Variants in MGAM observed in about 807,000 individuals in gnomAD.
The protein encoded by MGAM is alpha-1,4-glucosidase.
A neutral mutation model predicts 358.8 loss-of-function variants in MGAM; 253 were observed. The ratio of observed to expected loss-of-function variants is 0.71; its 90% confidence interval spans 0.64 to 0.78. The LOEUF (loss-of-function observed/expected upper bound fraction) is 0.78, where lower values mean the gene tolerates loss of function less well. Ranked by LOEUF, MGAM falls within the 30% of genes least tolerant of loss-of-function variation. The probability of loss-of-function intolerance (pLI) is 0.00; values close to 1 mark genes in which losing one functional copy is unlikely to be tolerated. For synonymous variants in MGAM, 1,105 were observed against 1,227.1 expected, an observed-to-expected ratio of 0.90 and a Z score of 2.08; for missense variants, 3,080 against 3,432.6, an observed-to-expected ratio of 0.90 and a Z score of 2.57.
In MGAM at chr7:142,044,378, A is replaced by G. The variant is rs1415130941; in HGVS notation, c.2499-3407A>G. ...ACATACGATATATGATATATAATGA[A>G]TATTATATACACATACGATATATGA... On this transcript the variant is annotated intron_variant, in intron 21 of 70. Coordinates refer to ENST00000475668, the MANE Select transcript of MGAM (RefSeq NM_001365693.1). Among the ~76,000 whole-genome samples the G allele has an allele frequency of 7.0e-4, 87 of 124,036 alleles. 1 individual carries two copies. Among genetic ancestry groups the G allele is most frequent in the African/African-American group, 2.2e-3 (84 of 37,710 alleles). 81.4% of individuals were successfully genotyped at this position (124,036 alleles called of 152,430 possible).
chr7:142,034,401 CCTG>C, intron 15 of MGAM, 22 bp downstream of exon 15: 1 of 1,403,422 alleles, frequency 7.1e-7, no homozygotes, highest in African/African-American at 1.4e-5. Context: ...ATGGCTATGA[CCTG>C]CTAATTATTG....
At chr7:142,032,229 C>T (rs914109050) in intron 13 of MGAM, among the ~76,000 whole-genome samples, 1 of 151,962 alleles carries the variant, frequency 6.6e-6, no homozygotes, top group Non-Finnish European at 1.5e-5. Context: ...AGAAAAATGT[C>T]TCATATGATG....
At chr7:142,071,171 G>A in intron 44 of MGAM, 53 bp downstream of exon 44, 1 of 1,502,980 alleles carries the variant, frequency 6.7e-7, no homozygotes, top group East Asian at 2.3e-5. Flanking sequence ...TCAACAATTT[G>A]TGATGAAGTC....
chr7:142,041,066 G>T (rs1211880448), intron 21 of MGAM, among the ~76,000 whole-genome samples: 3 of 152,026 alleles, frequency 2.0e-5, no homozygotes. Flanking sequence ...CTGCATCCAT[G>T]TTTCTTTACC....
In MGAM at chr7:142,036,803, A is replaced by C. The variant is rs1333537769; in HGVS notation, c.2077-20A>C. On this transcript the variant is annotated intron_variant, in intron 17 of 70. Transcript: ENST00000475668. ...TATCCTGCAGCCAAACCACAACTGC[A>C]AACTCCTATTTCCTCCCAGGACCAG... 5 of 1,610,884 alleles carry C rather than the reference A, an allele frequency of 3.1e-6. No homozygotes were observed. The highest frequency in any genetic ancestry group is 4.2e-6 in the Non-Finnish European group (5 of 1,178,420).
intron 2 of MGAM, among the ~76,000 whole-genome samples, chr7:142,007,117 C>T (rs1341708395): frequency 6.6e-6 from 1 of 152,050 alleles, no homozygotes; most frequent in Non-Finnish European, 1.5e-5. Context: ...GATAGGTGCT[C>T]TTTTCAAATT....
At chr7:142,041,738 T>C (rs964131592) in intron 21 of MGAM, among the ~76,000 whole-genome samples, 2 of 149,302 alleles carry the variant, frequency 1.3e-5, no homozygotes, top group African/African-American at 4.9e-5. Context: ...ACTTATCCTT[T>C]CCAACATTCT....
At chr7:142,070,727 G>A (rs114145715) in intron 43 of MGAM, among the ~76,000 whole-genome samples, 1 of 146,226 alleles carries the variant, frequency 6.8e-6, no homozygotes, top group Admixed American at 6.9e-5. Flanking sequence ...ATACAGGTGA[G>A]AGTGTAGCAG....
At position 142,034,671 on chromosome 7, in the gene MGAM, G is replaced by T. The variant is rs1554465113; in HGVS notation, c.1789G>T (p.Ala597Ser). The T allele has an allele frequency of 2.5e-6, 4 of 1,612,852 alleles. No homozygotes were observed. The East Asian group carries it at 8.9e-5, about 36-fold the overall frequency. ...TCCTTAAATCTCTCTCCCTTGCAGA[G>T]CTGCCAAGACTGTGTTCCCTAATAA... ...GYSMAVATAE[A>S]AKTVFPNKRS... Residue 597 changes from alanine to serine, a missense_variant and splice_region_variant, in exon 16 of 71, where the codon GCT becomes TCT. Ala to Ser is a moderately conservative substitution (Grantham distance 99, BLOSUM62 1). Transcript: ENST00000475668.
chr7:142,054,457 C>T (rs957252446), intron 26 of MGAM, among the ~76,000 whole-genome samples: 3 of 151,684 alleles, frequency 2.0e-5, no homozygotes, highest in African/African-American at 7.3e-5. Flanking sequence ...ACTCATATAC[C>T]CACAGAAAAT....
At chr7:142,011,257 A>G (rs534661539) in intron 3 of MGAM, among the ~76,000 whole-genome samples, 1 of 152,216 alleles carries the variant, frequency 6.6e-6, no homozygotes, top group South Asian at 2.1e-4. Flanking sequence ...TCTATGTATT[A>G]CTCATTTATT....
At chr7:142,087,507 G>A (rs1353699268) in intron 57 of MGAM, among the ~76,000 whole-genome samples, 1 of 146,242 alleles carries the variant, frequency 6.8e-6, no homozygotes, top group African/African-American at 2.4e-5. Flanking sequence ...AGTACCCACA[G>A]GCAGGATTCT....
rs1243771339 is a variant in MGAM at position 142,078,401 on chromosome 7, A to G, written c.5577A>G (p.Lys1859=). Residue 1859 remains lysine, a synonymous_variant, in exon 48 of 71, where the codon AAA becomes AAG. Coordinates refer to ENST00000475668, the MANE Select transcript of MGAM (RefSeq NM_001365693.1). ...EWSIKIRDEE[K]IDCYPDENGD... is the part of the protein sequence containing the mutation. ...GCATAAAGATAAGGGATGAAGAAAAAATAGACTGTTACCCTGATGAGAATG... is the reference window on the plus strand; with the variant it reads ...GCATAAAGATAAGGGATGAAGAAAAGATAGACTGTTACCCTGATGAGAATG... 1 of 1,535,940 alleles carries G rather than the reference A, an allele frequency of 6.5e-7. No individual in the cohort carries two copies.
In MGAM at chr7:142,003,806, A is replaced by G. The variant is rs548633872; in HGVS notation, c.-2-1723A>G. ...TATTTGCAAACAGTGTATCTGACAA[A>G]GGGCTAAGATCCAGAATCTATAAGG... On this transcript the variant is annotated intron_variant, in intron 1 of 70. Transcript: ENST00000475668. 1.3e-3 allele frequency among the ~76,000 whole-genome samples: 200 copies of G among 152,158 alleles called. 1 individual carries two copies. The highest frequency in any genetic ancestry group is 4.7e-3 in the African/African-American group (195 of 41,566).
chr7:142,034,824 C>A lies in MGAM; in HGVS notation c.1942C>A (p.Leu648Ile). Reference sequence around the variant, plus strand: ...CATCCCTGGCGTGCTTGAGTTCAACCTTTTTGGCATCCCAATGGTGAGCTG... The same window carrying A: ...CATCCCTGGCGTGCTTGAGTTCAACATTTTTGGCATCCCAATGGTGAGCTG... ...WSIPGVLEFN[L>I]FGIPMVGPDI... is the part of the protein sequence containing the mutation. The change falls in exon 16 of 71, where the codon CTT becomes ATT. Residue 648 changes from leucine to isoleucine, a missense_variant. Physicochemically the swap from Leu to Ile is conservative, Grantham distance 5. Coordinates refer to ENST00000475668, the MANE Select transcript of MGAM (RefSeq NM_001365693.1). 6.2e-7 allele frequency: 1 copy of A among 1,612,336 alleles called. No homozygotes were observed. Among genetic ancestry groups the A allele is most frequent in the East Asian group, 2.2e-5 (1 of 44,832 alleles).
chr7:142,088,529 C>T lies in MGAM; in HGVS notation c.6810+1812C>T, dbSNP rs993213324. ...GTATCTACCGATCAATGTATTAATT[C>T]ATCCACCCACTCTATCTATCCATCC... On this transcript the variant is annotated intron_variant, in intron 57 of 70. Transcript: ENST00000475668. Among the ~76,000 whole-genome samples the T allele has an allele frequency of 6.9e-5, 10 of 144,240 alleles. 2 individuals are homozygous for T. Among genetic ancestry groups the T allele is most frequent in the Non-Finnish European group, 4.7e-5 (3 of 63,978 alleles). 94.6% of individuals were successfully genotyped at this position (144,240 alleles called of 152,430 possible).
At position 142,080,998 on chromosome 7, in the gene MGAM, C is replaced by T. The variant is rs542675018; in HGVS notation, c.6002+53C>T. ...TTGATGGCTACCTGCGCCTTCGCTGCCAGGTCCATTGTCCTTGGATGTATC... is the reference window on the plus strand; with the variant it reads ...TTGATGGCTACCTGCGCCTTCGCTGTCAGGTCCATTGTCCTTGGATGTATC... On this transcript the variant is annotated intron_variant, in intron 50 of 70. Transcript: ENST00000475668. 2.9e-3 allele frequency: 4,158 copies of T among 1,417,298 alleles called. 581 individuals are homozygous for T. Among genetic ancestry groups the T allele is most frequent in the Non-Finnish European group, 3.7e-3 (3,736 of 1,020,918 alleles). 87.8% of individuals were successfully genotyped at this position (1,417,298 alleles called of 1,614,324 possible). A position where few individuals can be genotyped will look rare whatever the true frequency, so the allele number is the denominator to read the frequency against.
intron 21 of MGAM, among the ~76,000 whole-genome samples, chr7:142,044,579 T>C (rs1231062929): frequency 3.0e-5 from 4 of 133,252 alleles, no homozygotes; most frequent in African/African-American, 5.4e-5. Flanking sequence ...ATATATGATA[T>C]ATAATGTATA....
chr7:142,016,709 C>T (rs1441562636), intron 3 of MGAM, among the ~76,000 whole-genome samples: 1 of 152,180 alleles, frequency 6.6e-6, no homozygotes, highest in Admixed American at 6.5e-5. Context: ...TCTCCTGCTT[C>T]AGCCTCCTGA....
Sources: gnomAD v4.1 joint callset for allele counts (sites outside exome capture counted in the v4.1 genomes callset) on GRCh38, gnomAD v4.1.1 for gene constraint, MANE v1.5 for transcripts, NCBI Gene and HGNC (gene_info 2026-07-23, HGNC 2026-07-21) for gene names.